The following CDK14 variants were observed in gnomAD, a reference collection of about 807,000 sequenced individuals.
CDK14 encodes cyclin dependent kinase 14, also known as cyclin-dependent kinase 14.
Under a neutral mutation model 60.7 loss-of-function variants are expected in CDK14, and 34 were observed. That is an observed-to-expected ratio of 0.56 (90% CI 0.43 to 0.75). The LOEUF (loss-of-function observed/expected upper bound fraction) is 0.75. CDK14 is among the 30% of genes least tolerant of loss of function. The probability of loss-of-function intolerance (pLI) is 0.00; values close to 1 mark genes in which losing one functional copy is unlikely to be tolerated. For synonymous variants in CDK14, 197 were observed against 203.7 expected (o/e 0.97, Z 0.28); for missense variants, 482 against 564.1 (o/e 0.85, Z 1.47).
intron 5 of CDK14, among the ~76,000 whole-genome samples, chr7:90,833,769 C>G (rs554395393): frequency 6.6e-6 from 1 of 152,234 alleles, no homozygotes; most frequent in East Asian, 1.9e-4. Flanking sequence ...TTGTATCTCC[C>G]CTTCTACTTT....
chr7:91,183,599 A>C (rs531108129), intron 14 of CDK14, among the ~76,000 whole-genome samples: 2 of 152,188 alleles, frequency 1.3e-5, no homozygotes, highest in African/African-American at 4.8e-5. Flanking sequence ...AATGCTTGCT[A>C]TGACTACAGG....
intron 2 of CDK14, among the ~76,000 whole-genome samples, chr7:90,698,282 C>A (rs993155282): frequency 2.0e-5 from 3 of 151,912 alleles, no homozygotes; most frequent in African/African-American, 7.3e-5. Flanking sequence ...CTGCTAATTG[C>A]AATGATAGCA....
chr7:90,744,543 G>A (rs2116794387), intron 3 of CDK14, among the ~76,000 whole-genome samples: 1 of 152,382 alleles, frequency 6.6e-6, no homozygotes, highest in East Asian at 1.9e-4. Flanking sequence ...CCCAGACAGG[G>A]TCATGGCCGG....
intron 5 of CDK14, among the ~76,000 whole-genome samples, chr7:90,861,269 C>T (rs1790999401): frequency 6.6e-6 from 1 of 152,120 alleles, no homozygotes; most frequent in Non-Finnish European, 1.5e-5. Flanking sequence ...TTAATGATGC[C>T]TTTCTGATCT....
At chr7:91,033,640 C>G (rs1206882096) in intron 10 of CDK14, among the ~76,000 whole-genome samples, 1 of 152,190 alleles carries the variant, frequency 6.6e-6, no homozygotes, top group African/African-American at 2.4e-5. Flanking sequence ...AGTGCTCCTG[C>G]TTACAGGTTT....
intron 14 of CDK14, among the ~76,000 whole-genome samples, chr7:91,153,862 T>A (rs760150723): frequency 3.3e-5 from 5 of 152,132 alleles, no homozygotes; most frequent in Non-Finnish European, 5.9e-5. Context: ...CAAACCTGCA[T>A]ATGTACCCCT....
At chr7:90,703,019 G>T (rs2374335) in intron 2 of CDK14, among the ~76,000 whole-genome samples, 59,032 of 146,616 alleles carry the variant, frequency 0.4, 12,264 homozygotes, top group East Asian at 0.66. Flanking sequence ...TTGTTGTTTT[G>T]TTTTTTTTTT....
intron 14 of CDK14, among the ~76,000 whole-genome samples, chr7:91,191,398 A>T (rs913254329): frequency 1.3e-5 from 2 of 152,094 alleles, no homozygotes; most frequent in African/African-American, 4.8e-5. Flanking sequence ...AAATGAAAAA[A>T]GTTTAAATTT....
intron 5 of CDK14, among the ~76,000 whole-genome samples, chr7:90,795,960 G>C (rs1287290387): frequency 3.9e-5 from 6 of 152,174 alleles, no homozygotes; most frequent in African/African-American, 1.4e-4. Context: ...AGTTGTTGAT[G>C]ATCTTCTTAT....
In CDK14 at chr7:91,208,646, A is replaced by G. The variant is rs1802975374; in HGVS notation, c.*1510A>G. 1 of 152,256 alleles carries G rather than the reference A, an allele frequency of 6.6e-6. No homozygotes were observed. Among genetic ancestry groups the G allele is most frequent in the East Asian group, 1.9e-4 (1 of 5,202 alleles). The allele number at this position is 152,256 out of a possible 1,614,324, so 9.4% of individuals were successfully genotyped here. On this transcript the variant is annotated 3_prime_UTR_variant, in exon 15 of 15. Transcript: ENST00000380050. ...TTTAGGATCAAGACTAGGAATTAGG[A>G]GCCAGGTTGACAAGGACTTTTTCTG...
chr7:90,916,055 G>A (rs148516642), intron 7 of CDK14, among the ~76,000 whole-genome samples: 161 of 152,182 alleles, frequency 1.1e-3, no homozygotes, highest in African/African-American at 3.9e-3. Context: ...GTTTGCCTTC[G>A]TGTTTTTATT....
At chr7:91,188,932 GTGT>G (rs1392807016) in intron 14 of CDK14, among the ~76,000 whole-genome samples, 4 of 151,844 alleles carry the variant, frequency 2.6e-5, no homozygotes, top group East Asian at 3.9e-4. Context: ...GCCCAAAAGC[GTGT>G]TGTTGTTTTA....
chr7:91,069,794 A>T (rs1798084157), intron 11 of CDK14, among the ~76,000 whole-genome samples: 2 of 152,084 alleles, frequency 1.3e-5, no homozygotes, highest in South Asian at 4.1e-4. Flanking sequence ...ATTTTTTAAA[A>T]TTTTTTGTTT....
Position 90,813,928 on chromosome 7 carries a change from C to T in CDK14, c.544+23276C>T, listed in dbSNP as rs189889409. 2.6e-5 allele frequency among the ~76,000 whole-genome samples: 4 copies of T among 152,272 alleles called. No individual in the cohort carries two copies. In the East Asian group the frequency reaches 7.7e-4, roughly 29 times the overall value. On this transcript the variant is annotated intron_variant, in intron 5 of 14. Coordinates refer to ENST00000380050, the MANE Select transcript of CDK14 (RefSeq NM_001287135.2). ...TGGTTTGTAAATTATACCTCACCTA[C>T]ATTTTCTCCTAATTTTATTAAAATA...
At chr7:91,070,745 C>T (rs972629810) in intron 11 of CDK14, among the ~76,000 whole-genome samples, 1 of 151,202 alleles carries the variant, frequency 6.6e-6, no homozygotes, top group Non-Finnish European at 1.5e-5. Context: ...GGTGACAGAG[C>T]AAGACCTTGT....
chr7:90,848,397 A>G (rs1005824674), intron 5 of CDK14, among the ~76,000 whole-genome samples: 1 of 152,188 alleles, frequency 6.6e-6, no homozygotes, highest in African/African-American at 2.4e-5. Context: ...CACAGTGCCC[A>G]GCCAGTTTTC....
At chr7:91,027,879 C>T (rs1225791615) in intron 10 of CDK14, among the ~76,000 whole-genome samples, 9 of 6,004 alleles carry the variant, frequency 1.5e-3, no homozygotes, top group African/African-American at 2.2e-3. Flanking sequence ...CCCTCCCCTC[C>T]CCTCTCCTCT....
chr7:91,032,162 C>T (rs577872424), intron 10 of CDK14, among the ~76,000 whole-genome samples: 21 of 152,242 alleles, frequency 1.4e-4, no homozygotes, highest in East Asian at 9.6e-4. Context: ...TGTCCTATTT[C>T]GTTGGGTTGA....
rs902733061 is a variant in CDK14 at position 90,670,730 on chromosome 7, CAT to C, written c.124-55835_124-55834del. On this transcript the variant is annotated intron_variant, in intron 2 of 14. Coordinates refer to ENST00000380050, the MANE Select transcript of CDK14 (RefSeq NM_001287135.2). ...CACTGTCATGAGGACAGCACCAAAA[CAT>C]AAGGAATCCACCCCGCGACCCAAAG... 3.3e-5 allele frequency among the ~76,000 whole-genome samples: 5 copies of C among 152,102 alleles called. No homozygotes were observed. In the South Asian group the frequency reaches 8.3e-4, roughly 25 times the overall value.
Sources: allele counts gnomAD v4.1 joint callset (sites outside exome capture counted in the v4.1 genomes callset), GRCh38; gene constraint gnomAD v4.1.1; transcripts MANE v1.5; gene names NCBI Gene and HGNC (gene_info 2026-07-23, HGNC 2026-07-21).